CDH13: variants seen among roughly 807,000 people sequenced by gnomAD.
CDH13 encodes the protein cadherin-13.
CDH13 carries 24 observed loss-of-function variants against 63.8 expected under a neutral mutation model. The observed-to-expected ratio is 0.38, with a 90% CI of 0.27 to 0.53. The LOEUF (loss-of-function observed/expected upper bound fraction) is 0.53. CDH13 is among the 20% of genes least tolerant of loss of function. CDH13 has a pLI of 0.85. For synonymous variants in CDH13, 503 were observed against 355.3 expected (o/e 1.42, Z -4.67); for missense variants, 1,049 against 903.1 (o/e 1.16, Z -2.07).
Position 83,025,229 on chromosome 16 carries a change from G to C in CDH13, c.158-6781G>C, listed in dbSNP as rs139938266. ...ATAAGGATTATAGTACCTTTCAGGA[G>C]GATGCCCACTCTATGGATAAAGATG... On this transcript the variant is annotated intron_variant, in intron 2 of 13. Transcript: ENST00000567109. Among the ~76,000 whole-genome samples, 1,324 of 152,236 alleles carry C rather than the reference G, an allele frequency of 8.7e-3. 19 individuals carry two copies. The highest frequency in any genetic ancestry group is 0.03 in the African/African-American group (1,234 of 41,540).
At chr16:83,504,837 A>G (rs897654111) in intron 7 of CDH13, among the ~76,000 whole-genome samples, 3 of 152,218 alleles carry the variant, frequency 2.0e-5, no homozygotes, top group Non-Finnish European at 2.9e-5. Context: ...TTTTTAAAGT[A>G]GAAAATATAT....
chr16:83,173,751 C>T (rs1161824139), intron 4 of CDH13, among the ~76,000 whole-genome samples: 1 of 152,084 alleles, frequency 6.6e-6, no homozygotes, highest in Admixed American at 6.6e-5. Flanking sequence ...TCTTCTGGGC[C>T]TCTTTCTTTA....
At chr16:83,651,588 CTTTTTTT>C (rs35237670) in intron 8 of CDH13, among the ~76,000 whole-genome samples, 4 of 75,306 alleles carry the variant, frequency 5.3e-5, no homozygotes, top group Non-Finnish European at 7.1e-5. Flanking sequence ...TTATTTTCCT[CTTTTTTT>C]TTTTTTTTTT....
chr16:83,410,988 A>G (rs1352988493), intron 6 of CDH13, among the ~76,000 whole-genome samples: 3 of 152,178 alleles, frequency 2.0e-5, no homozygotes, highest in African/African-American at 4.8e-5. Context: ...TAAAATTCAT[A>G]AGTCAACCCA....
intron 7 of CDH13, among the ~76,000 whole-genome samples, chr16:83,503,791 A>T (rs955528764): frequency 6.6e-6 from 1 of 152,166 alleles, no homozygotes; most frequent in Non-Finnish European, 1.5e-5. Flanking sequence ...TCTAGATATA[A>T]GACCTTTGCC....
At chr16:83,172,838 C>T (rs1464512882) in intron 4 of CDH13, among the ~76,000 whole-genome samples, 3 of 152,088 alleles carry the variant, frequency 2.0e-5, no homozygotes, top group Admixed American at 2.0e-4. Context: ...GAATGTGGAT[C>T]GTTTCATCAG....
intron 2 of CDH13, among the ~76,000 whole-genome samples, chr16:82,956,775 GA>G (rs1369720965): frequency 6.6e-6 from 1 of 152,174 alleles, no homozygotes; most frequent in African/African-American, 2.4e-5. Context: ...GATGAGCTTT[GA>G]AAAGTACTTT....
intron 10 of CDH13, among the ~76,000 whole-genome samples, chr16:83,734,531 A>G (rs540044688): frequency 2.0e-5 from 3 of 149,396 alleles, no homozygotes; most frequent in Non-Finnish European, 4.5e-5. Flanking sequence ...GAATTGAACA[A>G]TGAGAACACA....
intron 2 of CDH13, among the ~76,000 whole-genome samples, chr16:82,996,798 G>A (rs865841754): frequency 3.3e-5 from 5 of 150,602 alleles, no homozygotes; most frequent in Admixed American, 6.7e-5. Context: ...GGGGGTAATG[G>A]TGATGGTGAT....
chr16:83,685,563 G>C (rs796294381), intron 10 of CDH13, among the ~76,000 whole-genome samples: 1 of 152,214 alleles, frequency 6.6e-6, no homozygotes, highest in African/African-American at 2.4e-5. Flanking sequence ...GAAAGAAATA[G>C]TCTCTGTCTG....
chr16:83,563,080 A>G (rs1463563985), intron 7 of CDH13, among the ~76,000 whole-genome samples: 2 of 152,222 alleles, frequency 1.3e-5, no homozygotes, highest in African/African-American at 4.8e-5. Context: ...AGAAGTACAG[A>G]GTAAGTATAT....
At chr16:83,194,703 A>G (rs12102433) in intron 4 of CDH13, among the ~76,000 whole-genome samples, 13,189 of 152,284 alleles carry the variant, frequency 0.087, 639 homozygotes, top group Middle Eastern at 0.18. Context: ...AGTAGCAAAT[A>G]ACTGTCCTAA....
chr16:83,547,557 G>T (rs1198284034), intron 7 of CDH13, among the ~76,000 whole-genome samples: 1 of 152,120 alleles, frequency 6.6e-6, no homozygotes, highest in East Asian at 1.9e-4. Flanking sequence ...GCAGTATTTG[G>T]TTTTCTGTTC....
At chr16:83,507,582 G>T (rs1276748365) in intron 7 of CDH13, among the ~76,000 whole-genome samples, 1 of 152,176 alleles carries the variant, frequency 6.6e-6, no homozygotes, top group African/African-American at 2.4e-5. Context: ...AAGGTGACTG[G>T]AATGCTTAAC....
chr16:82,651,344 A>G (rs975168020), intron 1 of CDH13, among the ~76,000 whole-genome samples: 1 of 152,226 alleles, frequency 6.6e-6, no homozygotes, highest in Non-Finnish European at 1.5e-5. Context: ...TAGGGCACAC[A>G]CACATATACC....
intron 4 of CDH13, among the ~76,000 whole-genome samples, chr16:83,202,045 T>C (rs11642140): frequency 0.031 from 4,763 of 152,332 alleles, 121 homozygotes; most frequent in Non-Finnish European, 0.05. Context: ...GTTTTCCCTG[T>C]AGGCTGTTTT....
intron 5 of CDH13, among the ~76,000 whole-genome samples, chr16:83,282,323 A>C (rs1219145978): frequency 6.6e-6 from 1 of 152,264 alleles, no homozygotes; most frequent in Non-Finnish European, 1.5e-5. Flanking sequence ...CAAAGTGAGA[A>C]TATGTTGATA....
chr16:82,893,231 A>G (rs542448903), intron 2 of CDH13, among the ~76,000 whole-genome samples: 90 of 152,382 alleles, frequency 5.9e-4, no homozygotes, highest in Non-Finnish European at 1.1e-3. Flanking sequence ...AATACCTTAT[A>G]AAATCACACA....
rs143467170 is a variant in CDH13, at chr16:82,632,804, A to G, written c.45+5667A>G. Among the ~76,000 whole-genome samples the G allele has an allele frequency of 1.3e-4, 20 of 152,178 alleles. No homozygotes were observed. In the East Asian group the frequency reaches 3.7e-3, roughly 28 times the overall value. On this transcript the variant is annotated intron_variant, in intron 1 of 13. Transcript: ENST00000567109. ...TAATATATAATGAAATAATTCTACA[A>G]CTCACTATAATTTAGAATTACTGGG...
Sources: allele counts gnomAD v4.1 joint callset (sites outside exome capture counted in the v4.1 genomes callset), GRCh38; gene constraint gnomAD v4.1.1; transcripts MANE v1.5; gene names NCBI Gene and HGNC (gene_info 2026-07-23, HGNC 2026-07-21).